MACROD2: variants seen among roughly 807,000 people sequenced by gnomAD.
MACROD2 encodes mono-ADP ribosylhydrolase 2.
Under a neutral mutation model 70.4 loss-of-function variants are expected in MACROD2, and 36 were observed. The observed-to-expected ratio is 0.51, with a 90% confidence interval of 0.39 to 0.68. The LOEUF is 0.68. MACROD2 is among the 30% of genes least tolerant of loss of function. The pLI is 0.00. For synonymous variants in MACROD2, 172 were observed against 178.8 expected (o/e 0.96, Z 0.30); for missense variants, 496 against 538.4 (o/e 0.92, Z 0.78).
intron 8 of MACROD2, among the ~76,000 whole-genome samples, chr20:15,538,031 A>G (rs1403346344): frequency 6.6e-6 from 1 of 152,230 alleles, no homozygotes; most frequent in African/African-American, 2.4e-5. Flanking sequence ...GCAGGGAATA[A>G]TATGGTTGGA....
At chr20:15,171,496 A>G (rs1180171981) in intron 5 of MACROD2, among the ~76,000 whole-genome samples, 3 of 151,328 alleles carry the variant, frequency 2.0e-5, no homozygotes, top group Admixed American at 2.0e-4. Context: ...TCACTTTTAC[A>G]TAGTAACAAG....
At chr20:14,824,786 G>A (rs2072883928) in intron 5 of MACROD2, among the ~76,000 whole-genome samples, 1 of 152,076 alleles carries the variant, frequency 6.6e-6, no homozygotes, top group African/African-American at 2.4e-5. Flanking sequence ...ATACCAGGAG[G>A]TGTGGTTCTT....
chr20:15,048,295 A>G (rs541082888), intron 5 of MACROD2, among the ~76,000 whole-genome samples: 1 of 152,078 alleles, frequency 6.6e-6, no homozygotes, highest in Non-Finnish European at 1.5e-5. Flanking sequence ...ACAAACACAC[A>G]AACAAACAAA....
intron 13 of MACROD2, among the ~76,000 whole-genome samples, chr20:15,972,740 G>C (rs2066250410): frequency 6.6e-6 from 1 of 152,032 alleles, no homozygotes. Context: ...AATCCAGGAG[G>C]CAGAGGTTGC....
chr20:15,894,582 G>C (rs1209754557), intron 10 of MACROD2, among the ~76,000 whole-genome samples: 1 of 152,156 alleles, frequency 6.6e-6, no homozygotes, highest in Non-Finnish European at 1.5e-5. Flanking sequence ...AGAAAGGAGA[G>C]GTGCAGAAAG....
intron 8 of MACROD2, among the ~76,000 whole-genome samples, chr20:15,773,027 T>C (rs2051663458): frequency 1.3e-5 from 2 of 152,254 alleles, no homozygotes; most frequent in South Asian, 4.1e-4. Flanking sequence ...ATCAGTGGTA[T>C]TTCAAAATAT....
intron 5 of MACROD2, among the ~76,000 whole-genome samples, chr20:15,122,644 A>G (rs533370815): frequency 6.6e-6 from 1 of 152,230 alleles, no homozygotes; most frequent in South Asian, 2.1e-4. Context: ...TCAGATTTTT[A>G]TTCTTTTTCA....
intron 7 of MACROD2, among the ~76,000 whole-genome samples, chr20:15,479,689 C>G (rs1382446728): frequency 6.6e-6 from 1 of 152,116 alleles, no homozygotes; most frequent in Admixed American, 6.5e-5. Flanking sequence ...CAAGCTCTAC[C>G]AAGTACATTA....
rs376872789 is a variant in MACROD2, at chr20:15,810,551, A to G, written c.646-52194A>G. 3.3e-4 allele frequency among the ~76,000 whole-genome samples: 50 copies of G among 152,252 alleles called. No homozygotes were observed. In the East Asian group the frequency reaches 8.9e-3, roughly 27 times the overall value. Reference sequence around the variant, plus strand: ...GATTCAATGCCATCCCCATCAAGCTACCAATGACTGTCTTCACAGAATTGG... The same window carrying G: ...GATTCAATGCCATCCCCATCAAGCTGCCAATGACTGTCTTCACAGAATTGG... On this transcript the variant is annotated intron_variant, in intron 8 of 17. Coordinates refer to ENST00000684519, the MANE Select transcript of MACROD2 (RefSeq NM_001351661.2).
At chr20:15,136,450 G>A (rs1482582205) in intron 5 of MACROD2, among the ~76,000 whole-genome samples, 12 of 152,048 alleles carry the variant, frequency 7.9e-5, no homozygotes, top group East Asian at 3.9e-4. Context: ...TGAGAAAAAC[G>A]AGCAATGGGG....
chr20:15,451,239 A>G (rs550802323), intron 7 of MACROD2, among the ~76,000 whole-genome samples: 1 of 151,974 alleles, frequency 6.6e-6, no homozygotes, highest in South Asian at 2.1e-4. Flanking sequence ...GGGTTTTTTC[A>G]GTGTGAAGGA....
chr20:14,986,348 C>T lies in MACROD2; in HGVS notation c.419-243592C>T, dbSNP rs1407424817. Among the ~76,000 whole-genome samples, 5 of 152,052 alleles carry T rather than the reference C, an allele frequency of 3.3e-5. No individual in the cohort carries two copies. In the East Asian group the frequency reaches 5.8e-4, roughly 18 times the overall value. ...TAACCAAGTGTCTGACACAGTTGAGCGTAATATGCCTCACCTAAGGTTCCC... is the reference window on the plus strand; with the variant it reads ...TAACCAAGTGTCTGACACAGTTGAGTGTAATATGCCTCACCTAAGGTTCCC... On this transcript the variant is annotated intron_variant, in intron 5 of 17. Coordinates refer to ENST00000684519, the MANE Select transcript of MACROD2 (RefSeq NM_001351661.2).
intron 4 of MACROD2, among the ~76,000 whole-genome samples, chr20:14,589,605 T>A (rs937865562): frequency 2.0e-5 from 3 of 152,194 alleles, no homozygotes; most frequent in African/African-American, 7.2e-5. Flanking sequence ...TTTAATAACA[T>A]AATTTAAACC....
chr20:14,657,052 G>A (rs1315739299), intron 4 of MACROD2, among the ~76,000 whole-genome samples: 1 of 152,130 alleles, frequency 6.6e-6, no homozygotes, highest in Non-Finnish European at 1.5e-5. Flanking sequence ...CACAAGAAGG[G>A]AAATACATAC....
At chr20:15,750,250 C>T (rs1386946104) in intron 8 of MACROD2, among the ~76,000 whole-genome samples, 1 of 151,952 alleles carries the variant, frequency 6.6e-6, no homozygotes, top group Non-Finnish European at 1.5e-5. Flanking sequence ...TGAAAAAGTG[C>T]TCAGCATCTC....
At chr20:15,641,439 G>A (rs1026551240) in intron 8 of MACROD2, among the ~76,000 whole-genome samples, 4 of 152,168 alleles carry the variant, frequency 2.6e-5, no homozygotes, top group African/African-American at 9.7e-5. Context: ...CTCTATGGAG[G>A]ACATGCTTTG....
At chr20:14,181,854 A>G (rs1248533007) in intron 3 of MACROD2, among the ~76,000 whole-genome samples, 6 of 152,198 alleles carry the variant, frequency 3.9e-5, no homozygotes, top group African/African-American at 1.4e-4. Context: ...CTATTCTATT[A>G]TATGGCTATA....
chr20:15,105,457 C>T (rs755154491), intron 5 of MACROD2, among the ~76,000 whole-genome samples: 1 of 152,030 alleles, frequency 6.6e-6, no homozygotes, highest in Non-Finnish European at 1.5e-5. Context: ...GTATTGAATT[C>T]ATTATATCCA....
At chr20:14,462,577 G>A (rs2123020975) in intron 3 of MACROD2, among the ~76,000 whole-genome samples, 1 of 140,748 alleles carries the variant, frequency 7.1e-6, no homozygotes, top group African/African-American at 2.5e-5. Context: ...TGTTGCCATT[G>A]CTTTTGGTGT....
Sources: gnomAD v4.1 joint callset for allele counts (sites outside exome capture counted in the v4.1 genomes callset) on GRCh38, gnomAD v4.1.1 for gene constraint, MANE v1.5 for transcripts, NCBI Gene and HGNC (gene_info 2026-07-23, HGNC 2026-07-21) for gene names.